Variants in BAHD1 observed in about 807,000 individuals in gnomAD.
The protein encoded by BAHD1 is bromo adjacent homology domain containing 1, also known as bromo adjacent homology domain-containing 1 protein.
In BAHD1, 20 loss-of-function variants were observed where a neutral mutation model predicts 63.1. The observed-to-expected ratio is 0.32, with a 90% CI of 0.22 to 0.46. The LOEUF is 0.46. Among genes scored for constraint, BAHD1 ranks in the 20% least tolerant of loss-of-function variants. The pLI is 1.00. For synonymous variants in BAHD1, 408 were observed against 426.8 expected, an observed-to-expected ratio of 0.96 and a Z score of 0.54; for missense variants, 939 against 1,071.8, an observed-to-expected ratio of 0.88 and a Z score of 1.73.
intron 2 of BAHD1, 93 bp from the exon 3 acceptor site, chr15:40,461,819 A>G (rs1894051032): frequency 2.0e-6 from 3 of 1,472,078 alleles, no homozygotes; most frequent in Non-Finnish European, 2.7e-6. Flanking sequence ...CTTTGGTTGC[A>G]CAGTTAGAAT....
chr15:40,453,385 G>A (rs1462941155), intron 1 of BAHD1: 1 of 152,204 alleles, frequency 6.6e-6, no homozygotes, highest in Non-Finnish European at 1.5e-5. Context: ...AAGTGAAAAG[G>A]AGCCTAGTTT....
At chr15:40,451,297 G>C (rs1440738232) in intron 1 of BAHD1, among the ~76,000 whole-genome samples, 1 of 152,166 alleles carries the variant, frequency 6.6e-6, no homozygotes, top group African/African-American at 2.4e-5. Context: ...TAGGCCCTCA[G>C]TAAGTGTCTA....
At chr15:40,448,761 C>G (rs1191269826) in intron 1 of BAHD1, among the ~76,000 whole-genome samples, 1 of 151,968 alleles carries the variant, frequency 6.6e-6, no homozygotes, top group African/African-American at 2.4e-5. Flanking sequence ...TCTTTTAACT[C>G]CTGGCCTCCC....
intron 1 of BAHD1, among the ~76,000 whole-genome samples, chr15:40,451,917 GC>G (rs1470043976): frequency 7.6e-6 from 1 of 132,214 alleles, no homozygotes; most frequent in Non-Finnish European, 1.6e-5. Context: ...GTTTTTTATT[GC>G]ATGTGATTAC....
chr15:40,439,186 G>A (rs1893337061), upstream of BAHD1, among the ~76,000 whole-genome samples: 1 of 152,202 alleles, frequency 6.6e-6, no homozygotes, highest in Non-Finnish European at 1.5e-5. Flanking sequence ...GGGAGAAGTG[G>A]CAGTGGGAGA....
chr15:40,441,878 G>C (rs1450820436), intron 1 of BAHD1, among the ~76,000 whole-genome samples: 3 of 151,880 alleles, frequency 2.0e-5, no homozygotes, highest in East Asian at 3.9e-4. Flanking sequence ...GCGCCGGGCC[G>C]GGGGCGGCAG....
rs535608091 is a variant in BAHD1, at chr15:40,455,058, G to C, written c.-14-3393G>C. 2.0e-5 allele frequency among the ~76,000 whole-genome samples: 3 copies of C among 152,348 alleles called. No individual in the cohort carries two copies. The East Asian group carries it at 5.8e-4, about 29-fold the overall frequency. ...TGCTCTCCCCAGAATGGAGTGCAGCGAGAGGCAGGCAGCAGAGACCCCAGC... is the reference window on the plus strand; with the variant it reads ...TGCTCTCCCCAGAATGGAGTGCAGCCAGAGGCAGGCAGCAGAGACCCCAGC... On this transcript the variant is annotated intron_variant, in intron 1 of 6. Coordinates refer to ENST00000416165, the MANE Select transcript of BAHD1 (RefSeq NM_014952.5).
Position 40,468,211 on chromosome 15 carries a change from A to G in BAHD1, c.*2081A>G, listed in dbSNP as rs1353209683. 1 of 152,570 alleles carries G rather than the reference A, an allele frequency of 6.6e-6. No homozygotes were observed. The highest frequency in any genetic ancestry group is 1.5e-5 in the Non-Finnish European group (1 of 68,026). The allele number at this position is 152,570 out of a possible 1,614,324, so 9.5% of individuals were successfully genotyped here. ...CTTCTTTAAGAAAAAAATAAATTTGAGAAATTGTATTGATTTAGAAAAGGA... is the reference window on the plus strand; with the variant it reads ...CTTCTTTAAGAAAAAAATAAATTTGGGAAATTGTATTGATTTAGAAAAGGA... On this transcript the variant is annotated 3_prime_UTR_variant, in exon 7 of 7. Coordinates refer to ENST00000416165, the MANE Select transcript of BAHD1 (RefSeq NM_014952.5).
In BAHD1 at chr15:40,459,781, C is replaced by G; in HGVS notation, c.1317C>G (p.Cys439Trp). ...CTCCCTGGGGCTCCTCTCGCTACTG[C>G]TCTAGCGAGGACACTGGAGTGAATG... ...QHPPWGSSRY[C>W]SSEDTGVNGY... The change falls in exon 2 of 7, where the codon TGC becomes TGG. Residue 439 changes from cysteine to tryptophan, a missense_variant. By Grantham distance (215) the Cys-to-Trp change is radical (BLOSUM62 -2). Transcript: ENST00000416165. 6.2e-7 allele frequency: 1 copy of G among 1,613,888 alleles called. No homozygotes were observed. The highest frequency in any genetic ancestry group is 8.5e-7 in the Non-Finnish European group (1 of 1,180,034).
At position 40,465,585 on chromosome 15, in the gene BAHD1, T is replaced by C. The variant is rs141771733; in HGVS notation, c.2153+150T>C. ...TAATCTCCCAGAACTTACTTCCCTA[T>C]TGCTTGCCTCTACCATCTGATATTT... On this transcript the variant is annotated intron_variant, in intron 6 of 6. Transcript: ENST00000416165. The C allele has an allele frequency of 4.2e-4, 289 of 681,232 alleles. No individual in the cohort carries two copies. In the African/African-American group the frequency reaches 4.7e-3, roughly 11 times the overall value. 42.2% of individuals were successfully genotyped at this position (681,232 alleles called of 1,614,324 possible). A position where few individuals can be genotyped will look rare whatever the true frequency, so the allele number is the denominator to read the frequency against.
upstream of BAHD1, among the ~76,000 whole-genome samples, chr15:40,438,238 T>C (rs995980704): frequency 2.0e-4 from 30 of 152,216 alleles, no homozygotes; most frequent in African/African-American, 7.0e-4. Context: ...CCTTTCCAGC[T>C]GTGGAAGGGC....
At chr15:40,443,028 C>T (rs1893445965) in intron 1 of BAHD1, among the ~76,000 whole-genome samples, 2 of 152,194 alleles carry the variant, frequency 1.3e-5, no homozygotes, top group Non-Finnish European at 2.9e-5. Flanking sequence ...TTCAGAGCTC[C>T]CATGCCCTCC....
upstream of BAHD1, among the ~76,000 whole-genome samples, chr15:40,439,078 C>T (rs564128089): frequency 2.0e-5 from 3 of 152,058 alleles, no homozygotes; most frequent in Non-Finnish European, 4.4e-5. Context: ...GTTGGGGGGG[C>T]GCTGCCGGGA....
chr15:40,456,354 A>T (rs1467028263), intron 1 of BAHD1, among the ~76,000 whole-genome samples: 2 of 152,188 alleles, frequency 1.3e-5, no homozygotes, highest in East Asian at 3.9e-4. Flanking sequence ...TACGGAGCCT[A>T]GCAGATGCCT....
At chr15:40,453,634 C>T (rs927851990) in intron 1 of BAHD1, 1 of 152,142 alleles carries the variant, frequency 6.6e-6, no homozygotes, top group Non-Finnish European at 1.5e-5. Flanking sequence ...TCTAAGGCTC[C>T]CCTGAATCCC....
intron 1 of BAHD1, among the ~76,000 whole-genome samples, chr15:40,445,672 A>G (rs1595846967): frequency 1.3e-5 from 2 of 152,358 alleles, no homozygotes; most frequent in East Asian, 1.9e-4. Context: ...CAGCCCCGAC[A>G]TTAAAGGGCC....
intron 1 of BAHD1, among the ~76,000 whole-genome samples, chr15:40,455,622 C>G (rs1460539696): frequency 6.6e-6 from 1 of 152,326 alleles, no homozygotes; most frequent in Admixed American, 6.5e-5. Flanking sequence ...CTGACAGCAC[C>G]TCCCTGTGCT....
intron 1 of BAHD1, among the ~76,000 whole-genome samples, chr15:40,457,156 G>A (rs953786865): frequency 2.0e-5 from 3 of 152,174 alleles, no homozygotes; most frequent in Admixed American, 1.3e-4. Flanking sequence ...AGGGAGAACC[G>A]AGCACGACTA....
At chr15:40,463,595 G>A (rs1181046083) in intron 3 of BAHD1, among the ~76,000 whole-genome samples, 1 of 148,574 alleles carries the variant, frequency 6.7e-6, no homozygotes, top group Non-Finnish European at 1.5e-5. Flanking sequence ...TGGGGGTCTT[G>A]GAGTGAGAGT....
Sources: allele counts gnomAD v4.1 joint callset (sites outside exome capture counted in the v4.1 genomes callset), GRCh38; gene constraint gnomAD v4.1.1; transcripts MANE v1.5; gene names NCBI Gene and HGNC (gene_info 2026-07-23, HGNC 2026-07-21).